Variants in TUT4 observed in about 807,000 individuals in gnomAD.
The protein encoded by TUT4 is terminal uridylyltransferase 4.
In TUT4, 36 loss-of-function variants were observed where a neutral mutation model predicts 192.2. The observed-to-expected ratio is 0.19, with a 90% CI of 0.14 to 0.25. The LOEUF (loss-of-function observed/expected upper bound fraction) is 0.25. Among genes scored for constraint, TUT4 ranks in the 10% least tolerant of loss-of-function variants. The pLI, the probability that TUT4 is intolerant of heterozygous loss-of-function variation, is 1.00. For synonymous variants in TUT4, 618 were observed against 666.0 expected (o/e 0.93, Z 1.11); for missense variants, 1,493 against 1,957.2 (o/e 0.76, Z 4.47).
intron 1 of TUT4, among the ~76,000 whole-genome samples, chr1:52,544,423 A>G (rs1255224960): frequency 6.6e-6 from 1 of 152,236 alleles, no homozygotes; most frequent in Non-Finnish European, 1.5e-5. Flanking sequence ...AGGATGACAA[A>G]GCCATTCAAT....
At position 52,475,421 on chromosome 1, in the gene TUT4, T is replaced by C. The variant is rs750684093; in HGVS notation, c.2138A>G (p.Lys713Arg). 4.3e-6 allele frequency: 7 copies of C among 1,614,142 alleles called. No homozygotes were observed. Among genetic ancestry groups the C allele is most frequent in the African/African-American group, 1.3e-5 (1 of 75,056 alleles). Residue 713 changes from lysine (K) to arginine (R), a missense_variant, in exon 13 of 30, where the codon AAG becomes AGG. This residue lies in a region of TUT4 where 245 missense variants were observed against 218.4 expected (regional missense o/e 1.12). Coordinates refer to ENST00000257177, the MANE Select transcript of TUT4 (RefSeq NM_001009881.3). ...ATCCACTGTAGACTTATTTCCACCCTTCGTCTGAGGACAGGCAAAATACCG... is the reference window on the plus strand; with the variant it reads ...ATCCACTGTAGACTTATTTCCACCCCTCGTCTGAGGACAGGCAAAATACCG... ...AYRYFACPQT[K>R]GGNKSTVDFK...
At chr1:52,489,431 CATG>C (rs1670601164) in intron 8 of TUT4, among the ~76,000 whole-genome samples, 2 of 152,180 alleles carry the variant, frequency 1.3e-5, no homozygotes, top group African/African-American at 2.4e-5. Context: ...TTGCTTTCTA[CATG>C]ATAATAGCAA....
At position 52,425,267 on chromosome 1, in the gene TUT4, C is replaced by T. The variant is rs1037209515; in HGVS notation, c.4870+82G>A. 15 of 1,479,026 alleles carry T rather than the reference C, an allele frequency of 1.0e-5. No homozygotes were observed. The African/African-American group carries it at 2.0e-4, about 19-fold the overall frequency. 91.6% of individuals were successfully genotyped at this position (1,479,026 alleles called of 1,614,324 possible). A position where few individuals can be genotyped will look rare whatever the true frequency, so the allele number is the denominator to read the frequency against. ...TTACTGAATTCATGAATTTTCACTC[C>T]CAGATCCTGGCCTTCACTAAGGCTC... On this transcript the variant is annotated intron_variant, in intron 29 of 29. Coordinates refer to ENST00000257177, the MANE Select transcript of TUT4 (RefSeq NM_001009881.3).
intron 1 of TUT4, among the ~76,000 whole-genome samples, chr1:52,532,482 T>A (rs578209867): frequency 1.6e-4 from 25 of 152,070 alleles, no homozygotes; most frequent in South Asian, 6.2e-4. Context: ...GGCAATTTTT[T>A]AAAAAATTTT....
At chr1:52,457,211 T>C (rs1016863023) in intron 20 of TUT4, among the ~76,000 whole-genome samples, 2 of 152,048 alleles carry the variant, frequency 1.3e-5, no homozygotes, top group African/African-American at 4.8e-5. Context: ...ATATGGCTTA[T>C]AATTTTGTGA....
chr1:52,548,325 C>T (rs1255060151), intron 1 of TUT4, among the ~76,000 whole-genome samples: 1 of 152,140 alleles, frequency 6.6e-6, no homozygotes, highest in African/African-American at 2.4e-5. Flanking sequence ...AAACTACACA[C>T]TGACAAAATG....
intron 11 of TUT4, among the ~76,000 whole-genome samples, chr1:52,479,650 C>A (rs529733644): frequency 6.6e-6 from 1 of 152,144 alleles, no homozygotes; most frequent in African/African-American, 2.4e-5. Context: ...AAGTGTGGAG[C>A]AAGTTTGAGG....
chr1:52,440,337 G>C (rs1274837768), intron 24 of TUT4, among the ~76,000 whole-genome samples: 1 of 151,852 alleles, frequency 6.6e-6, no homozygotes, highest in Non-Finnish European at 1.5e-5. Flanking sequence ...CGCTGTGTTG[G>C]CCAGGCTGGT....
chr1:52,434,030 T>C (rs1652962235), intron 27 of TUT4: 1 of 152,228 alleles, frequency 6.6e-6, no homozygotes, highest in Non-Finnish European at 1.5e-5. Flanking sequence ...TTCTATACTT[T>C]TCTGTACTTT....
intron 2 of TUT4, among the ~76,000 whole-genome samples, chr1:52,525,139 C>T (rs1295681769): frequency 2.7e-5 from 4 of 148,882 alleles, no homozygotes; most frequent in African/African-American, 1.0e-4. Flanking sequence ...AAGTTTAGGG[C>T]TATGGGTTTT....
intron 3 of TUT4, among the ~76,000 whole-genome samples, chr1:52,514,173 G>C (rs1378468101): frequency 6.6e-6 from 1 of 152,194 alleles, no homozygotes; most frequent in Admixed American, 6.6e-5. Flanking sequence ...GGGCACGGTG[G>C]CTCCTGCCTA....
At chr1:52,479,405 T>C (rs1239225968) in intron 11 of TUT4, among the ~76,000 whole-genome samples, 1 of 152,124 alleles carries the variant, frequency 6.6e-6, no homozygotes, top group Non-Finnish European at 1.5e-5. Context: ...GCTATAGTAG[T>C]ATCCCAGGCC....
intron 24 of TUT4, among the ~76,000 whole-genome samples, chr1:52,444,943 A>G (rs1023953631): frequency 1.6e-5 from 2 of 122,450 alleles, no homozygotes; most frequent in African/African-American, 1.1e-4. Flanking sequence ...ATGTATATAC[A>G]TGTATGTGTA....
chr1:52,474,773 TATACATAGTC>T, intron 13 of TUT4, 49 bp downstream of exon 13: 1 of 1,387,214 alleles, frequency 7.2e-7, no homozygotes, highest in Non-Finnish European at 9.7e-7. Context: ...ATCTAAAAAA[TATACATAGTC>T]ATACAACAAC....
At chr1:52,465,687 TCA>T (rs1663915551) in intron 15 of TUT4, among the ~76,000 whole-genome samples, 1 of 152,216 alleles carries the variant, frequency 6.6e-6, no homozygotes, top group African/African-American at 2.4e-5. Flanking sequence ...ATTAGTTCTT[TCA>T]AAGCACAATT....
chr1:52,539,436 C>A (rs571287199), intron 1 of TUT4, among the ~76,000 whole-genome samples: 2 of 152,194 alleles, frequency 1.3e-5, no homozygotes, highest in African/African-American at 4.8e-5. Flanking sequence ...ACACCAGTCT[C>A]ACAAGAGAAC....
chr1:52,431,065 G>C lies in TUT4; in HGVS notation c.4659C>G (p.Pro1553=). The C allele has an allele frequency of 6.2e-7, 1 of 1,612,888 alleles. No homozygotes were observed. The highest frequency in any genetic ancestry group is 8.5e-7 in the Non-Finnish European group (1 of 1,179,096). ...IPNTSHDGHW[P]RTVAPNSLVN... is the part of the protein sequence containing the mutation. ...CCAGGGAATTTGGAGCCACAGTACG[G>C]GGCCAGTGTCCATCGTGAGACGTGT... The change falls in exon 28 of 30, where the codon CCC becomes CCG. Residue 1553 remains proline (P), a synonymous_variant. Coordinates refer to ENST00000257177, the MANE Select transcript of TUT4 (RefSeq NM_001009881.3).
At chr1:52,491,595 G>A (rs930344777) in intron 7 of TUT4, among the ~76,000 whole-genome samples, 2 of 152,158 alleles carry the variant, frequency 1.3e-5, no homozygotes, top group Non-Finnish European at 2.9e-5. Flanking sequence ...GGCTGAGGCA[G>A]AGAACTGCTT....
chr1:52,472,050 T>A lies in TUT4; in HGVS notation c.2780A>T (p.Asp927Val). The change falls in exon 14 of 30, where the codon GAT (aspartate) becomes GTT (valine). Residue 927 changes from aspartate (D) to valine (V), a missense_variant. By Grantham distance (152) the Asp-to-Val change is radical. Transcript: ENST00000257177. ...AATTTTCCTAAAATCCTCTGGGCAA[T>A]CATTCTTTGAATGGCCATCCTTTTT... ...ICKKDGHSKN[D>V]CPEDFRKIDL... 1 of 1,613,948 alleles carries A rather than the reference T, an allele frequency of 6.2e-7. No homozygotes were observed. The highest frequency in any genetic ancestry group is 8.5e-7 in the Non-Finnish European group (1 of 1,179,908).
Sources: allele counts gnomAD v4.1 joint callset (sites outside exome capture counted in the v4.1 genomes callset), GRCh38; gene constraint gnomAD v4.1.1; regional missense constraint gnomAD v4.1.1; transcripts MANE v1.5; gene names NCBI Gene and HGNC (gene_info 2026-07-23, HGNC 2026-07-21).